The following KHDRBS2 variants were observed in gnomAD, a reference collection of about 807,000 sequenced individuals.
KHDRBS2 encodes the protein KH domain-containing, RNA-binding, signal transduction-associated protein 2.
Under a neutral mutation model 44.3 loss-of-function variants are expected in KHDRBS2, and 26 were observed. The observed-to-expected ratio is 0.59, with a 90% CI of 0.43 to 0.81. The LOEUF (loss-of-function observed/expected upper bound fraction) is 0.81, where lower values mean the gene tolerates loss of function less well. Among genes scored for constraint, KHDRBS2 ranks in the 40% least tolerant of loss-of-function variants. The pLI is 0.00. For synonymous variants in KHDRBS2, 194 were observed against 151.1 expected (o/e 1.28, Z -2.08); for missense variants, 476 against 433.1 (o/e 1.10, Z -0.88).
intron 4 of KHDRBS2, among the ~76,000 whole-genome samples, chr6:61,940,234 T>C (rs2127374894): frequency 8.2e-6 from 1 of 121,734 alleles, no homozygotes; most frequent in South Asian, 2.5e-4. Context: ...TAGTGGTAAA[T>C]AAAAGTTCAA....
At chr6:62,127,576 C>G (rs1402147702) in intron 2 of KHDRBS2, among the ~76,000 whole-genome samples, 2 of 150,820 alleles carry the variant, frequency 1.3e-5, no homozygotes, top group Non-Finnish European at 3.0e-5. Context: ...GTTTTTTTTT[C>G]TTACATTTTA....
At chr6:62,166,921 G>A (rs1818816787) in intron 2 of KHDRBS2, among the ~76,000 whole-genome samples, 1 of 151,930 alleles carries the variant, frequency 6.6e-6, no homozygotes, top group South Asian at 2.1e-4. Context: ...ACAAACAAAT[G>A]AACAAACAAA....
chr6:62,047,741 A>C, intron 3 of KHDRBS2, 137 bp downstream of exon 3: 1 of 652,294 alleles, frequency 1.5e-6, no homozygotes, highest in Non-Finnish European at 2.8e-6. Flanking sequence ...GATAGCAGAA[A>C]GTGACACAGG....
chr6:62,031,256 C>G (rs907210905), intron 3 of KHDRBS2, among the ~76,000 whole-genome samples: 13 of 152,002 alleles, frequency 8.6e-5, no homozygotes, highest in Admixed American at 8.5e-4. Flanking sequence ...CAATGATACT[C>G]AGACACAATG....
chr6:61,873,657 C>T (rs752284759), intron 6 of KHDRBS2, among the ~76,000 whole-genome samples: 9 of 151,002 alleles, frequency 6.0e-5, no homozygotes, highest in Non-Finnish European at 1.3e-4. Context: ...AGAAACTATC[C>T]AAATGTTTAT....
chr6:61,628,324 C>T, the KHDRBS2 span, among the ~76,000 whole-genome samples: 455 of 145,158 alleles, frequency 3.1e-3, 4 homozygotes, highest in African/African-American at 0.011. Flanking sequence ...GTTCATCTTC[C>T]TCACACTCTC....
intron 6 of KHDRBS2, among the ~76,000 whole-genome samples, chr6:61,756,498 G>C (rs1264979418): frequency 3.9e-5 from 6 of 152,134 alleles, no homozygotes; most frequent in Admixed American, 6.5e-5. Flanking sequence ...GACCTCAAGT[G>C]ATCCGCCAGC....
At chr6:62,045,688 A>G (rs1451338247) in intron 3 of KHDRBS2, among the ~76,000 whole-genome samples, 3 of 152,048 alleles carry the variant, frequency 2.0e-5, no homozygotes, top group Non-Finnish European at 1.5e-5. Flanking sequence ...ACACATATAC[A>G]CTTTTATTGC....
At chr6:61,932,574 G>A (rs1173440906) in intron 4 of KHDRBS2, among the ~76,000 whole-genome samples, 1 of 152,142 alleles carries the variant, frequency 6.6e-6, no homozygotes, top group East Asian at 1.9e-4. Context: ...GCTGAGGCAG[G>A]CGGATCACGA....
downstream of KHDRBS2, among the ~76,000 whole-genome samples, chr6:61,676,342 A>C (rs1259412636): frequency 6.6e-6 from 1 of 151,864 alleles, no homozygotes; most frequent in East Asian, 2.0e-4. Context: ...TTTCAAACTT[A>C]AGTCTCCATT....
At chr6:61,650,333 T>C in the KHDRBS2 span, among the ~76,000 whole-genome samples, 1 of 151,858 alleles carries the variant, frequency 6.6e-6, no homozygotes, top group Admixed American at 6.6e-5. Flanking sequence ...TGTTTATTGC[T>C]CCAAACTCTC....
the KHDRBS2 span, among the ~76,000 whole-genome samples, chr6:61,542,981 G>A: frequency 7.2e-5 from 11 of 151,968 alleles, no homozygotes; most frequent in Admixed American, 7.2e-4. Context: ...GATAGAACAT[G>A]GTATAAAGAC....
intron 1 of KHDRBS2, among the ~76,000 whole-genome samples, chr6:62,237,366 T>C (rs1833869667): frequency 6.6e-6 from 1 of 152,106 alleles, no homozygotes; most frequent in African/African-American, 2.4e-5. Context: ...GAAAAATAAG[T>C]CCAACAACTA....
chr6:61,935,988 C>T (rs1353670294), intron 4 of KHDRBS2, among the ~76,000 whole-genome samples: 1 of 151,778 alleles, frequency 6.6e-6, no homozygotes, highest in African/African-American at 2.4e-5. Context: ...ATTGAATGTC[C>T]ATCTTTCTAA....
chr6:61,688,498 C>A (rs1767051009), intron 8 of KHDRBS2, among the ~76,000 whole-genome samples: 1 of 151,872 alleles, frequency 6.6e-6, no homozygotes, highest in Non-Finnish European at 1.5e-5. Flanking sequence ...GTATAATTCT[C>A]TTCTCAAAGA....
the KHDRBS2 span, among the ~76,000 whole-genome samples, chr6:61,621,982 T>C: frequency 1.3e-5 from 2 of 152,172 alleles, no homozygotes; most frequent in African/African-American, 4.8e-5. Context: ...GCCAGAAGTA[T>C]ATAATTCATC....
intron 6 of KHDRBS2, among the ~76,000 whole-genome samples, chr6:61,864,341 G>T (rs2127297498): frequency 6.6e-6 from 1 of 152,210 alleles, no homozygotes; most frequent in East Asian, 1.9e-4. Context: ...TTATTTTTCA[G>T]ACTTGTTCAT....
chr6:61,584,902 C>T, the KHDRBS2 span, among the ~76,000 whole-genome samples: 1 of 151,796 alleles, frequency 6.6e-6, no homozygotes, highest in East Asian at 1.9e-4. Flanking sequence ...ATAAAATTTG[C>T]TTTATAGAGG....
intron 6 of KHDRBS2, among the ~76,000 whole-genome samples, chr6:61,884,104 T>C (rs558105655): frequency 9.9e-5 from 15 of 152,186 alleles, no homozygotes; most frequent in African/African-American, 3.6e-4. Context: ...CACATGAAAC[T>C]GAGGGTTGGC....
Sources: allele counts gnomAD v4.1 joint callset (sites outside exome capture counted in the v4.1 genomes callset), GRCh38; gene constraint gnomAD v4.1.1; transcripts MANE v1.5; gene names NCBI Gene and HGNC (gene_info 2026-07-23, HGNC 2026-07-21).